Variants in COL5A2 observed in about 807,000 individuals in gnomAD.
COL5A2 encodes collagen type V alpha 2 chain.
A neutral mutation model predicts 208.2 loss-of-function variants in COL5A2; 23 were observed. The ratio of observed to expected loss-of-function variants is 0.11; its 90% CI spans 0.08 to 0.16. The LOEUF (loss-of-function observed/expected upper bound fraction) is 0.16. Ranked by LOEUF, COL5A2 falls within the 10% of genes least tolerant of loss-of-function variation. The pLI is 1.00. For missense variants in COL5A2, 1,590 were observed against 1,956.4 expected, an observed-to-expected ratio of 0.81 and a Z score of 3.53; for synonymous variants, 625 against 628.5, an observed-to-expected ratio of 0.99 and a Z score of 0.08.
At chr2:189,322,592 T>C in the COL5A2 span, among the ~76,000 whole-genome samples, 1 of 152,094 alleles carries the variant, frequency 6.6e-6, no homozygotes, top group African/African-American at 2.4e-5. Flanking sequence ...ATGGATAAAT[T>C]CCTCGACACA....
intron 1 of COL5A2, among the ~76,000 whole-genome samples, chr2:189,225,077 G>A (rs552330157): frequency 6.6e-6 from 1 of 152,124 alleles, no homozygotes; most frequent in East Asian, 1.9e-4. Context: ...GATATTATGG[G>A]GTATATATAC....
the COL5A2 span, among the ~76,000 whole-genome samples, chr2:189,308,430 C>T: frequency 1.3e-4 from 20 of 151,984 alleles, no homozygotes; most frequent in African/African-American, 4.6e-4. Flanking sequence ...AGTATTTTAC[C>T]CCAAAATACA....
At chr2:189,156,428 A>T (rs1688248759) in intron 1 of COL5A2, among the ~76,000 whole-genome samples, 1 of 152,196 alleles carries the variant, frequency 6.6e-6, no homozygotes, top group African/African-American at 2.4e-5. Flanking sequence ...TTTGAAGACA[A>T]ACTCATATAT....
chr2:189,298,375 T>A, the COL5A2 span, among the ~76,000 whole-genome samples: 1 of 152,180 alleles, frequency 6.6e-6, no homozygotes, highest in Non-Finnish European at 1.5e-5. Context: ...AATTCTCTGC[T>A]GAAGTACCTT....
chr2:189,047,189 A>G (rs968061175), intron 45 of COL5A2, among the ~76,000 whole-genome samples: 2 of 152,202 alleles, frequency 1.3e-5, no homozygotes, highest in African/African-American at 4.8e-5. Flanking sequence ...CTCCTTTGCA[A>G]CTATTTAAAC....
chr2:189,297,213 C>A, the COL5A2 span, among the ~76,000 whole-genome samples: 1 of 151,636 alleles, frequency 6.6e-6, no homozygotes, highest in South Asian at 2.1e-4. Context: ...TAATTCAATA[C>A]AAGCTACTGC....
intron 2 of COL5A2, among the ~76,000 whole-genome samples, chr2:189,106,295 T>C (rs1687147487): frequency 6.6e-6 from 1 of 151,424 alleles, no homozygotes; most frequent in Admixed American, 6.6e-5. Flanking sequence ...GAATTAGCAG[T>C]ATTAAAAAAT....
At chr2:189,139,009 T>C (rs1229518264) in intron 1 of COL5A2, among the ~76,000 whole-genome samples, 1 of 152,156 alleles carries the variant, frequency 6.6e-6, no homozygotes, top group African/African-American at 2.4e-5. Context: ...AAGTAAGAAC[T>C]GTATGTACAT....
At chr2:189,334,886 C>A in the COL5A2 span, among the ~76,000 whole-genome samples, 1 of 151,782 alleles carries the variant, frequency 6.6e-6, no homozygotes, top group East Asian at 1.9e-4. Context: ...ATATACCTAC[C>A]AATAGAGCAG....
the COL5A2 span, among the ~76,000 whole-genome samples, chr2:189,381,628 C>T: frequency 2.6e-5 from 4 of 151,866 alleles, no homozygotes; most frequent in Non-Finnish European, 5.9e-5. Flanking sequence ...GGAAGTATCA[C>T]AAAAGAGGGT....
intron 8 of COL5A2, among the ~76,000 whole-genome samples, chr2:189,087,178 G>T (rs1001011933): frequency 6.6e-6 from 1 of 150,540 alleles, no homozygotes; most frequent in Non-Finnish European, 1.5e-5. Flanking sequence ...ACTTAAATAA[G>T]TTGAATTAAA....
the COL5A2 span, among the ~76,000 whole-genome samples, chr2:189,280,882 G>C: frequency 6.6e-6 from 1 of 151,834 alleles, no homozygotes; most frequent in Non-Finnish European, 1.5e-5. Context: ...GAAAGCACAG[G>C]ATTATAGTTT....
At position 189,045,875 on chromosome 2, in the gene COL5A2, C is replaced by T; in HGVS notation, c.3234G>A (p.Leu1078=). ...GDRGDPGPAG[L]PGSQGAPGTP... is the part of the protein sequence containing the mutation. ...TTCCAGGGGCACCCTGAGAGCCTGG[C>T]AGACCTGCAGGCCCAGGGTCTCCAC... Residue 1078 remains leucine (L), a synonymous_variant, in exon 46 of 54, where the codon CTG becomes CTA. Coordinates refer to ENST00000374866, the MANE Select transcript of COL5A2 (RefSeq NM_000393.5). 1 of 1,614,150 alleles carries T rather than the reference C, an allele frequency of 6.2e-7. No individual in the cohort carries two copies. The highest frequency in any genetic ancestry group is 1.3e-5 in the African/African-American group (1 of 75,062).
chr2:189,056,035 G>A (rs569603854), intron 35 of COL5A2, among the ~76,000 whole-genome samples: 13 of 152,182 alleles, frequency 8.5e-5, no homozygotes, highest in Non-Finnish European at 1.6e-4. Context: ...TAAAAGAAGT[G>A]GTGCATCCTT....
intron 6 of COL5A2, among the ~76,000 whole-genome samples, chr2:189,093,422 A>G (rs1467494165): frequency 3.3e-5 from 5 of 152,334 alleles, no homozygotes; most frequent in African/African-American, 1.2e-4. Context: ...TACCTATGGG[A>G]CCACAGTAAG....
At chr2:189,318,855 C>T in the COL5A2 span, among the ~76,000 whole-genome samples, 2 of 152,122 alleles carry the variant, frequency 1.3e-5, no homozygotes. Context: ...GACACAGCTG[C>T]TTTAGTCACC....
At chr2:189,220,315 A>T (rs1689332888) in intron 1 of COL5A2, among the ~76,000 whole-genome samples, 1 of 152,156 alleles carries the variant, frequency 6.6e-6, no homozygotes, top group Non-Finnish European at 1.5e-5. Context: ...CTTCTTCATT[A>T]TGTGTGTAAA....
intron 1 of COL5A2, among the ~76,000 whole-genome samples, chr2:189,188,059 C>T (rs376220888): frequency 2.0e-4 from 30 of 152,016 alleles, no homozygotes; most frequent in African/African-American, 7.0e-4. Context: ...CTATGTTCCA[C>T]TCACCCTCTC....
At chr2:189,335,845 G>C in the COL5A2 span, among the ~76,000 whole-genome samples, 1 of 152,036 alleles carries the variant, frequency 6.6e-6, no homozygotes, top group South Asian at 2.1e-4. Flanking sequence ...GGTGATGGTT[G>C]CACAACTTTG....
Sources: gnomAD v4.1 joint callset for allele counts (sites outside exome capture counted in the v4.1 genomes callset) on GRCh38, gnomAD v4.1.1 for gene constraint, MANE v1.5 for transcripts, NCBI Gene and HGNC (gene_info 2026-07-23, HGNC 2026-07-21) for gene names.